GALNTL6: variants seen among roughly 807,000 people sequenced by gnomAD.
The protein encoded by GALNTL6 is polypeptide N-acetylgalactosaminyltransferase-like 6.
Under a neutral mutation model 73.7 loss-of-function variants are expected in GALNTL6, and 46 were observed. That is an observed-to-expected ratio of 0.62 (90% CI 0.49 to 0.80). The LOEUF (loss-of-function observed/expected upper bound fraction) is 0.80, where lower values mean the gene tolerates loss of function less well. Ranked by LOEUF, GALNTL6 falls within the 30% of genes least tolerant of loss-of-function variation. The pLI, the probability that GALNTL6 is intolerant of heterozygous loss-of-function variation, is 0.00. For synonymous variants in GALNTL6, 259 were observed against 263.7 expected (o/e 0.98, Z 0.17); for missense variants, 604 against 755.0 (o/e 0.80, Z 2.34).
At chr4:172,907,080 A>T (rs960327981) in intron 8 of GALNTL6, among the ~76,000 whole-genome samples, 1 of 152,126 alleles carries the variant, frequency 6.6e-6, no homozygotes, top group African/African-American at 2.4e-5. Context: ...AATTCTGTCA[A>T]CCACACTGAC....
At chr4:173,000,889 T>C (rs1054580459) in intron 10 of GALNTL6, among the ~76,000 whole-genome samples, 1 of 152,208 alleles carries the variant, frequency 6.6e-6, no homozygotes, top group East Asian at 1.9e-4. Context: ...CCAAAATTTA[T>C]ATGTTGAAAT....
chr4:172,316,990 C>T (rs1026110889), intron 4 of GALNTL6, among the ~76,000 whole-genome samples: 1 of 152,154 alleles, frequency 6.6e-6, no homozygotes, highest in African/African-American at 2.4e-5. Context: ...GAATCTCTTT[C>T]TCCGGGAAAG....
intron 5 of GALNTL6, among the ~76,000 whole-genome samples, chr4:172,549,610 A>C (rs1735886442): frequency 6.6e-6 from 1 of 152,188 alleles, no homozygotes; most frequent in Non-Finnish European, 1.5e-5. Context: ...TTTAAAAAAA[A>C]AAATAACAAA....
chr4:171,945,008 A>G (rs1471284549), intron 2 of GALNTL6, among the ~76,000 whole-genome samples: 1 of 152,064 alleles, frequency 6.6e-6, no homozygotes. Context: ...TGGCAGGACA[A>G]TGTTTGCTGA....
rs1322618622 is a variant in GALNTL6, at chr4:172,809,505, C to T, written c.698C>T (p.Ser233Phe). 6.2e-7 allele frequency: 1 copy of T among 1,613,514 alleles called. No homozygotes were observed. Among genetic ancestry groups the T allele is most frequent in the Non-Finnish European group, 8.5e-7 (1 of 1,179,780 alleles). The change falls in exon 6 of 13, where the codon TCC becomes TTC. Residue 233 changes from serine to phenylalanine, a missense_variant. This residue lies in a region of GALNTL6 where 179 missense variants were observed against 230.8 expected (regional missense o/e 0.78). Transcript: ENST00000506823. This position sits in a 1 kb window ranked among gnomAD's most constrained non-coding sequence, Gnocchi z 4.4. Reference sequence around the variant, plus strand: ...GGAGAAGTCCTGACATTCCTGGACTCCCACTGCGAGGTCAATGTGAACTGG... The same window carrying T: ...GGAGAAGTCCTGACATTCCTGGACTTCCACTGCGAGGTCAATGTGAACTGG... ...ARGEVLTFLD[S>F]HCEVNVNWLP...
chr4:172,377,431 G>T (rs1743073219), intron 5 of GALNTL6, among the ~76,000 whole-genome samples: 1 of 152,178 alleles, frequency 6.6e-6, no homozygotes, highest in Non-Finnish European at 1.5e-5. Context: ...AGACATAAAA[G>T]TTCTCCAAGT....
At chr4:172,939,197 G>A (rs960458495) in intron 9 of GALNTL6, among the ~76,000 whole-genome samples, 11 of 152,154 alleles carry the variant, frequency 7.2e-5, no homozygotes, top group South Asian at 2.1e-4. Context: ...TTGAGAGGCT[G>A]AGAAGAGAGG....
intron 5 of GALNTL6, among the ~76,000 whole-genome samples, chr4:172,798,980 G>A (rs1049917018): frequency 1.3e-5 from 2 of 152,202 alleles, no homozygotes; most frequent in African/African-American, 2.4e-5. Flanking sequence ...ACTACTGAAA[G>A]ATAAGAAGTG....
rs114924173 is a variant in GALNTL6, at chr4:172,823,131, A to G, written c.923+9408A>G. ...AGTTCAGCAATATTGACTCTGCCCC[A>G]ATAACATGATACCAGAGCATGGCAG... is the stretch of plus-strand genomic sequence containing the variant. On this transcript the variant is annotated intron_variant, in intron 7 of 12. Coordinates refer to ENST00000506823, the MANE Select transcript of GALNTL6 (RefSeq NM_001034845.3). Among the ~76,000 whole-genome samples the G allele has an allele frequency of 9.0e-3, 1,373 of 152,292 alleles. 24 individuals carry two copies. Among genetic ancestry groups the G allele is most frequent in the African/African-American group, 0.032 (1,312 of 41,554 alleles).
intron 10 of GALNTL6, among the ~76,000 whole-genome samples, chr4:172,958,346 G>A (rs566354279): frequency 6.6e-6 from 1 of 152,292 alleles, no homozygotes; most frequent in African/African-American, 2.4e-5. Flanking sequence ...CGACTGCACA[G>A]CCCTGCACTT....
intron 2 of GALNTL6, among the ~76,000 whole-genome samples, chr4:171,866,028 A>C (rs145342567): frequency 6.6e-6 from 1 of 152,292 alleles, no homozygotes; most frequent in Non-Finnish European, 1.5e-5. Context: ...TGTTTTCCCA[A>C]ACTCCCACTA....
intron 5 of GALNTL6, among the ~76,000 whole-genome samples, chr4:172,738,498 TC>T (rs1425503400): frequency 6.6e-6 from 1 of 152,154 alleles, no homozygotes; most frequent in Admixed American, 6.6e-5. Context: ...ATAATCTACT[TC>T]CCCTATACTC....
intron 5 of GALNTL6, among the ~76,000 whole-genome samples, chr4:172,760,687 C>A (rs1738030920): frequency 6.6e-6 from 1 of 152,152 alleles, no homozygotes; most frequent in Non-Finnish European, 1.5e-5. Flanking sequence ...TCCCTGCTGA[C>A]CTGTGCCCTT....
At chr4:172,964,354 GT>G (rs972590774) in intron 10 of GALNTL6, among the ~76,000 whole-genome samples, 18 of 152,192 alleles carry the variant, frequency 1.2e-4, no homozygotes, top group Non-Finnish European at 8.8e-5. Context: ...AATAAAAGAT[GT>G]AAAATAGACA....
At chr4:172,069,530 C>CATATGTGTTATATATAACACATATGTGTT (rs1560909504) in intron 2 of GALNTL6, among the ~76,000 whole-genome samples, 2 of 15,564 alleles carry the variant, frequency 1.3e-4, no homozygotes, top group African/African-American at 3.1e-4. Context: ...ATGTATAACA[C>CATATGTGTTATATATAACACATATGTGTT]ATATATTATA....
At chr4:172,334,290 G>A (rs993881285) in intron 4 of GALNTL6, among the ~76,000 whole-genome samples, 4 of 152,130 alleles carry the variant, frequency 2.6e-5, no homozygotes, top group Non-Finnish European at 5.9e-5. Context: ...TGTGAAAAAT[G>A]GTGTCGGCAT....
chr4:171,968,416 A>G (rs1247615498), intron 2 of GALNTL6, among the ~76,000 whole-genome samples: 1 of 152,132 alleles, frequency 6.6e-6, no homozygotes, highest in Non-Finnish European at 1.5e-5. Flanking sequence ...CGTCTTTTAA[A>G]CACAACACCG....
intron 5 of GALNTL6, among the ~76,000 whole-genome samples, chr4:172,680,297 G>C (rs932308997): frequency 6.6e-6 from 1 of 151,972 alleles, no homozygotes; most frequent in African/African-American, 2.4e-5. Context: ...AATAAGAAGT[G>C]GCAGAGCTAG....
At chr4:172,826,391 C>T (rs1384117617) in intron 7 of GALNTL6, among the ~76,000 whole-genome samples, 1 of 152,230 alleles carries the variant, frequency 6.6e-6, no homozygotes, top group Non-Finnish European at 1.5e-5. Flanking sequence ...GCCTCCACAG[C>T]CCATGGGCAC....
Sources: allele counts gnomAD v4.1 joint callset (sites outside exome capture counted in the v4.1 genomes callset), GRCh38; gene constraint gnomAD v4.1.1; regional missense constraint gnomAD v4.1.1; non-coding constraint Gnocchi (gnomAD v3.1); transcripts MANE v1.5; gene names NCBI Gene and HGNC (gene_info 2026-07-23, HGNC 2026-07-21).